GNA15: variants seen among roughly 807,000 people sequenced by gnomAD.
GNA15 encodes guanine nucleotide-binding protein subunit alpha-15.
A neutral mutation model predicts 40.1 loss-of-function variants in GNA15; 23 were observed. The observed-to-expected ratio is 0.57, with a 90% CI of 0.41 to 0.81. GNA15 has a LOEUF of 0.81. Ranked by LOEUF, GNA15 falls within the 40% of genes least tolerant of loss-of-function variation. The pLI, the probability that GNA15 is intolerant of heterozygous loss-of-function variation, is 0.00. For synonymous variants in GNA15, 226 were observed against 210.4 expected, an observed-to-expected ratio of 1.07 and a Z score of -0.64; for missense variants, 522 against 515.8, an observed-to-expected ratio of 1.01 and a Z score of -0.12.
At chr19:3,161,658 C>G (rs534971209) in intron 6 of GNA15, among the ~76,000 whole-genome samples, 3 of 151,966 alleles carry the variant, frequency 2.0e-5, no homozygotes, top group Non-Finnish European at 4.4e-5. Context: ...TTTTTTCATT[C>G]AGGTCAAAGG....
At position 3,156,036 on chromosome 19, in the gene GNA15, G is replaced by A. The variant is rs992049918; in HGVS notation, c.744+84G>A. On this transcript the variant is annotated intron_variant, in intron 5 of 6. Coordinates refer to ENST00000262958, the MANE Select transcript of GNA15 (RefSeq NM_002068.4). ...AGGAAGCTCTGGTGCAGAAAGGGAG[G>A]GATCCCTGCTCTTGAACGGGCCTGT... is the stretch of plus-strand genomic sequence containing the variant. 4.1e-5 allele frequency: 54 copies of A among 1,319,942 alleles called. No homozygotes were observed. The Middle Eastern group carries it at 5.9e-4, about 15-fold the overall frequency. 81.8% of individuals were successfully genotyped at this position (1,319,942 alleles called of 1,614,324 possible).
At chr19:3,139,934 T>C (rs956260938) in intron 1 of GNA15, among the ~76,000 whole-genome samples, 4 of 151,326 alleles carry the variant, frequency 2.6e-5, no homozygotes, top group African/African-American at 9.7e-5. Flanking sequence ...CTTGGGAGGG[T>C]GAGGCAGGAG....
chr19:3,148,827 G>C (rs763253915), intron 2 of GNA15, 52 bp downstream of exon 2: 12 of 1,502,884 alleles, frequency 8.0e-6, no homozygotes, highest in Non-Finnish European at 1.1e-5. Flanking sequence ...CCCAGGGCAG[G>C]GTTCCCCAGA....
At chr19:3,146,223 G>A (rs1163947065) in intron 1 of GNA15, among the ~76,000 whole-genome samples, 1 of 152,118 alleles carries the variant, frequency 6.6e-6, no homozygotes, top group African/African-American at 2.4e-5. Context: ...GCTGGTTGGG[G>A]CCCATGCTGG....
chr19:3,147,730 C>CA (rs1281492072), intron 1 of GNA15, among the ~76,000 whole-genome samples: 3 of 150,848 alleles, frequency 2.0e-5, no homozygotes, highest in Non-Finnish European at 4.4e-5. Flanking sequence ...ACTAAAAATA[C>CA]AAAAAAATTA....
chr19:3,159,549 T>A (rs1229003875), intron 6 of GNA15, among the ~76,000 whole-genome samples: 1 of 151,692 alleles, frequency 6.6e-6, no homozygotes, highest in Non-Finnish European at 1.5e-5. Context: ...TTCTCCATGT[T>A]GGTCAGGCTG....
At chr19:3,144,743 T>C (rs918735290) in intron 1 of GNA15, among the ~76,000 whole-genome samples, 4 of 151,216 alleles carry the variant, frequency 2.6e-5, no homozygotes, top group Admixed American at 2.0e-4. Flanking sequence ...TTAGCCAGGA[T>C]GGTCTCGATC....
chr19:3,157,846 C>T lies in GNA15; in HGVS notation c.863C>T (p.Thr288Ile), dbSNP rs773440731. ...GACATCCTGGAGGAGAAAATCCCCACCTCCCACCTGGCTACCTATTTCCCC... is the reference window on the plus strand; with the variant it reads ...GACATCCTGGAGGAGAAAATCCCCATCTCCCACCTGGCTACCTATTTCCCC... ...KTDILEEKIP[T>I]SHLATYFPSF... The change falls in exon 6 of 7, where the codon ACC becomes ATC. Residue 288 changes from threonine (T) to isoleucine (I), a missense_variant. Coordinates refer to ENST00000262958, the MANE Select transcript of GNA15 (RefSeq NM_002068.4). 6.2e-6 allele frequency: 10 copies of T among 1,613,434 alleles called. No individual in the cohort carries two copies. Among genetic ancestry groups the T allele is most frequent in the Non-Finnish European group, 7.6e-6 (9 of 1,179,434 alleles).
At chr19:3,145,359 A>ATATTTTTT in intron 1 of GNA15, among the ~76,000 whole-genome samples, 38 of 46,964 alleles carry the variant, frequency 8.1e-4, no homozygotes, top group Non-Finnish European at 1.1e-3. Flanking sequence ...ATATATATAT[A>ATATTTTTT]TTTTTTTTTT....
At chr19:3,158,533 C>A (rs557574039) in intron 6 of GNA15, among the ~76,000 whole-genome samples, 1 of 152,244 alleles carries the variant, frequency 6.6e-6, no homozygotes, top group South Asian at 2.1e-4. Flanking sequence ...ATGTAGAGGT[C>A]ACTGTTGTAA....
intron 6 of GNA15, among the ~76,000 whole-genome samples, chr19:3,160,667 T>A (rs1333365538): frequency 6.6e-6 from 1 of 152,164 alleles, no homozygotes; most frequent in Non-Finnish European, 1.5e-5. Context: ...TACCACAAAC[T>A]GGGTGGCTTA....
At position 3,155,156 on chromosome 19, in the gene GNA15, G is replaced by C. The variant is rs1313804164; in HGVS notation, c.615-667G>C. On this transcript the variant is annotated intron_variant, in intron 4 of 6. Coordinates refer to ENST00000262958, the MANE Select transcript of GNA15 (RefSeq NM_002068.4). The surrounding 1 kb of genome is among the most constrained non-coding windows in gnomAD (Gnocchi z 5.6). ...TCCCGGTTTCCCCTCCTGTGCAATG[G>C]GGCAAGTCCCTTCTTGCTTGAGGCC... The C allele has an allele frequency of 2.0e-5, 3 of 152,376 alleles. No individual in the cohort carries two copies. Among genetic ancestry groups the C allele is most frequent in the Non-Finnish European group, 4.4e-5 (3 of 68,166 alleles). The allele number at this position is 152,376 out of a possible 1,614,324, so 9.4% of individuals were successfully genotyped here.
intron 1 of GNA15, among the ~76,000 whole-genome samples, chr19:3,137,421 T>C (rs973148252): frequency 1.3e-5 from 2 of 151,952 alleles, no homozygotes; most frequent in African/African-American, 4.8e-5. Context: ...CCCAGGCGGG[T>C]GGGATCACTT....
chr19:3,148,097 G>T (rs1164197434), intron 1 of GNA15, among the ~76,000 whole-genome samples: 3 of 149,528 alleles, frequency 2.0e-5, no homozygotes, highest in African/African-American at 4.9e-5. Context: ...TGTTTGTTTT[G>T]TTTTTTTTTG....
At chr19:3,143,697 A>G (rs1914630068) in intron 1 of GNA15, among the ~76,000 whole-genome samples, 1 of 151,966 alleles carries the variant, frequency 6.6e-6, no homozygotes, top group Non-Finnish European at 1.5e-5. Context: ...TAGGCTCTAG[A>G]CTCAAACAGA....
At chr19:3,156,430 T>C (rs201669997) in intron 5 of GNA15, among the ~76,000 whole-genome samples, 4,340 of 139,290 alleles carry the variant, frequency 0.031, 104 homozygotes, top group East Asian at 0.17. Context: ...AACACACACA[T>C]GCACACACAC....
chr19:3,157,689 G>C (rs1247240006), intron 5 of GNA15, 39 bp from the exon 6 acceptor site: 8 of 1,594,704 alleles, frequency 5.0e-6, no homozygotes, highest in Non-Finnish European at 6.0e-6. Flanking sequence ...GTCCCACCTG[G>C]CTGGTTGAAG....
chr19:3,161,031 C>G (rs1915128654), intron 6 of GNA15, among the ~76,000 whole-genome samples: 1 of 150,798 alleles, frequency 6.6e-6, no homozygotes, highest in Non-Finnish European at 1.5e-5. Context: ...CAGCCTCAAC[C>G]TCCTGGGCAC....
rs1365918032 is a variant in GNA15 at position 3,136,436 on chromosome 19, T to C, written c.-15T>C. On this transcript the variant is annotated 5_prime_UTR_variant, in exon 1 of 7. The change abolishes the stop of an existing upstream ORF in the 5' untranslated region. Transcript: ENST00000262958. This position sits in a 1 kb window ranked among gnomAD's most constrained non-coding sequence, Gnocchi z 4.9. ...GGGGGCGATGCCACCCGGTGCCGAC[T>C]GAGGCCACCGCACCATGGCCCGCTC... 1 of 1,547,174 alleles carries C rather than the reference T, an allele frequency of 6.5e-7. No individual in the cohort carries two copies. The highest frequency in any genetic ancestry group is 2.0e-5 in the Admixed American group (1 of 50,912).
Sources: gnomAD v4.1 joint callset for allele counts (sites outside exome capture counted in the v4.1 genomes callset) on GRCh38, gnomAD v4.1.1 for gene constraint, Gnocchi (gnomAD v3.1) non-coding constraint, MANE v1.5 for transcripts, NCBI Gene and HGNC (gene_info 2026-07-23, HGNC 2026-07-21) for gene names.